Variants in ZNF324B observed in about 807,000 individuals in gnomAD.
ZNF324B encodes zinc finger protein 324B.
Under a neutral mutation model 10.6 loss-of-function variants are expected in ZNF324B, and 7 were observed. The observed-to-expected ratio is 0.66, with a 90% CI of 0.38 to 1.24. The LOEUF is 1.24. ZNF324B is among the 50% of genes most tolerant of loss of function. The pLI is 0.02. For synonymous variants in ZNF324B, 316 were observed against 321.0 expected, an observed-to-expected ratio of 0.98 and a Z score of 0.17; for missense variants, 640 against 764.7, an observed-to-expected ratio of 0.84 and a Z score of 1.92.
the ZNF324B span, chr19:58,429,756 A>C: frequency 1.3e-4 from 20 of 152,382 alleles, no homozygotes; most frequent in African/African-American, 4.8e-4. Context: ...GTGGGAAAGA[A>C]AATGAAGGTA....
At chr19:58,447,406 C>T (rs540334407), upstream of ZNF324B, among the ~76,000 whole-genome samples, 1 of 152,326 alleles carries the variant, frequency 6.6e-6, no homozygotes, top group South Asian at 2.1e-4. Flanking sequence ...CTTGTGTGTA[C>T]AGAAGGCAAT....
chr19:58,427,091 C>T, the ZNF324B span, among the ~76,000 whole-genome samples: 1 of 152,152 alleles, frequency 6.6e-6, no homozygotes, highest in Middle Eastern at 3.4e-3. Flanking sequence ...GGACTCTACT[C>T]ATGTATTAGG....
chr19:58,433,432 A>G, the ZNF324B span: 1 of 1,614,094 alleles, frequency 6.2e-7, no homozygotes, highest in Middle Eastern at 1.6e-4. Flanking sequence ...CTGGTGCCGA[A>G]CAAGTGTAGA....
the ZNF324B span, chr19:58,439,765 C>T: frequency 1.7e-5 from 26 of 1,543,226 alleles, no homozygotes; most frequent in South Asian, 6.0e-5. Context: ...TTACCTGCGC[C>T]GGGCCCATCA....
chr19:58,455,166 C>CGT lies in ZNF324B; in HGVS notation c.239-16_239-15dup, dbSNP rs775239391. The CGT allele has an allele frequency of 4.1e-5, 66 of 1,613,996 alleles. 1 individual carries two copies. The African/African-American group carries it at 8.5e-4, about 21-fold the overall frequency. ...TAACCAGGATGCCCCAGGCAACCAC[C>CGT]GTTTCTCTGCGTTTAGGTTCCTGGA... On this transcript the variant is annotated splice_polypyrimidine_tract_variant and intron_variant, in intron 3 of 3. Coordinates refer to ENST00000336614, the MANE Select transcript of ZNF324B (RefSeq NM_207395.3). The surrounding 1 kb of genome is among the most constrained non-coding windows in gnomAD (Gnocchi z 7.0).
At chr19:58,433,508 G>A in the ZNF324B span, 1 of 1,613,944 alleles carries the variant, frequency 6.2e-7, no homozygotes. Context: ...TGAACTCTCT[G>A]ATGACGAACC....
the ZNF324B span, chr19:58,440,105 A>C: frequency 2.1e-6 from 1 of 470,068 alleles, no homozygotes; most frequent in Middle Eastern, 5.4e-4. Flanking sequence ...GTGTGGCTCC[A>C]GAGGCCTGCT....
chr19:58,432,436 C>G, the ZNF324B span: 7 of 401,790 alleles, frequency 1.7e-5, no homozygotes, highest in Non-Finnish European at 3.4e-5. Context: ...GGCATGTGCC[C>G]TAGTTCACCA....
At chr19:58,433,822 T>C in the ZNF324B span, 1 of 1,614,040 alleles carries the variant, frequency 6.2e-7, no homozygotes, top group Non-Finnish European at 8.5e-7. Flanking sequence ...CTCGTAAGGC[T>C]TTTCTCCAGT....
At chr19:58,429,957 C>T in the ZNF324B span, 1 of 152,204 alleles carries the variant, frequency 6.6e-6, no homozygotes, top group Admixed American at 6.5e-5. Flanking sequence ...TTGTGTAATG[C>T]TCTCCCCTTG....
At chr19:58,450,877 A>C (rs555556320), upstream of ZNF324B, among the ~76,000 whole-genome samples, 1 of 152,332 alleles carries the variant, frequency 6.6e-6, no homozygotes, top group South Asian at 2.1e-4. Flanking sequence ...AAAGACACTT[A>C]GATTGGTCCA....
At chr19:58,454,442 C>T (rs539932192) in intron 3 of ZNF324B, 98 bp downstream of exon 3, 3 of 780,562 alleles carry the variant, frequency 3.8e-6, no homozygotes, top group Non-Finnish European at 6.7e-6. Flanking sequence ...CCTCTCCTGC[C>T]TCCTACCTGA....
chr19:58,424,282 A>G, the ZNF324B span, among the ~76,000 whole-genome samples: 2 of 152,082 alleles, frequency 1.3e-5, no homozygotes, highest in African/African-American at 4.8e-5. Context: ...AACAACAACA[A>G]CAACAAAGGA....
At chr19:58,453,495 A>G (rs1241392039) in intron 1 of ZNF324B, among the ~76,000 whole-genome samples, 1 of 152,102 alleles carries the variant, frequency 6.6e-6, no homozygotes, top group Non-Finnish European at 1.5e-5. Flanking sequence ...GGGGAAGTCA[A>G]GAAGCCATCT....
At chr19:58,440,302 T>C in the ZNF324B span, 893 of 172,912 alleles carry the variant, frequency 5.2e-3, 12 homozygotes, top group African/African-American at 0.021. Flanking sequence ...GATTGAGGAA[T>C]GGCGTTTATT....
chr19:58,419,368 G>A, the ZNF324B span: 1 of 152,174 alleles, frequency 6.6e-6, no homozygotes, highest in Admixed American at 6.5e-5. Flanking sequence ...GGGGCCTGTT[G>A]GGTAGAGTAA....
rs770316328 is a variant in ZNF324B at position 58,453,829 on chromosome 19, C to T, written c.121+7C>T. ...ACACTTGTGACCTCACTTGGTAAGG[C>T]CCTGGGTGCTCCATGAAAAGTGCAC... On this transcript the variant is annotated splice_region_variant and intron_variant, in intron 2 of 3. Transcript: ENST00000336614. The T allele has an allele frequency of 1.4e-5, 23 of 1,611,550 alleles. No homozygotes were observed. The Admixed American group carries it at 3.8e-4, about 27-fold the overall frequency.
At chr19:58,451,740 C>T (rs2122338167) in intron 1 of ZNF324B, 36 bp downstream of exon 1, 1 of 443,766 alleles carries the variant, frequency 2.3e-6, no homozygotes, top group Non-Finnish European at 4.4e-6. Context: ...GCCCCCAAGC[C>T]TCGGTATCTT....
chr19:58,453,411 G>T, intron 1 of ZNF324B: 2 of 518,640 alleles, frequency 3.9e-6, no homozygotes, highest in South Asian at 4.1e-5. Context: ...GTGGATATTT[G>T]GGGCTGCCCT....
Sources: allele counts gnomAD v4.1 joint callset (sites outside exome capture counted in the v4.1 genomes callset), GRCh38; gene constraint gnomAD v4.1.1; non-coding constraint Gnocchi (gnomAD v3.1); transcripts MANE v1.5; gene names NCBI Gene and HGNC (gene_info 2026-07-23, HGNC 2026-07-21).